Variants in RET observed in about 807,000 individuals in gnomAD.
RET encodes proto-oncogene tyrosine-protein kinase receptor Ret.
Under a neutral mutation model 118.3 loss-of-function variants are expected in RET, and 19 were observed. The ratio of observed to expected loss-of-function variants is 0.16; its 90% CI spans 0.11 to 0.24. The LOEUF (loss-of-function observed/expected upper bound fraction) is 0.24, where lower values mean the gene tolerates loss of function less well. Ranked by LOEUF, RET falls within the 10% of genes least tolerant of loss-of-function variation. The pLI is 1.00. For missense variants in RET, 1,219 were observed against 1,502.1 expected, an observed-to-expected ratio of 0.81 and a Z score of 3.12; for synonymous variants, 597 against 644.1, an observed-to-expected ratio of 0.93 and a Z score of 1.11.
At chr10:43,113,994 G>T (rs1257180679) in intron 10 of RET, among the ~76,000 whole-genome samples, 1 of 152,218 alleles carries the variant, frequency 6.6e-6, no homozygotes, top group African/African-American at 2.4e-5. Context: ...AGGTCAGCAG[G>T]TATGGTGGGT....
intron 1 of RET, among the ~76,000 whole-genome samples, chr10:43,095,170 AT>A (rs1389827248): frequency 2.6e-5 from 4 of 152,060 alleles, no homozygotes; most frequent in African/African-American, 9.7e-5. Context: ...GGCAGGAACT[AT>A]CCTTAGGGCA....
chr10:43,101,603 G>A (rs1837643994), intron 2 of RET, among the ~76,000 whole-genome samples: 1 of 152,234 alleles, frequency 6.6e-6, no homozygotes, highest in Non-Finnish European at 1.5e-5. Context: ...CTTGAGGAAT[G>A]GGAGTCCCTG....
At chr10:43,110,478 G>A (rs1837890200) in intron 6 of RET, among the ~76,000 whole-genome samples, 1 of 152,160 alleles carries the variant, frequency 6.6e-6, no homozygotes, top group Admixed American at 6.5e-5. Flanking sequence ...GGAACTTTTG[G>A]TTTCAAGCAG....
rs746921948 is a variant in RET at position 43,130,158 on chromosome 10, A to G, written c.*1889A>G. 2.3e-5 allele frequency: 9 copies of G among 397,096 alleles called. No homozygotes were observed. Among genetic ancestry groups the G allele is most frequent in the Non-Finnish European group, 3.5e-5 (8 of 225,594 alleles). The allele number at this position is 397,096 out of a possible 1,614,324, so 24.6% of individuals were successfully genotyped here. ...AAAAGTCCCCATCCTTATTAGCTCT[A>G]CTGGAATTTTCATACACGTAAATGC... is the stretch of plus-strand genomic sequence containing the variant. On this transcript the variant is annotated 3_prime_UTR_variant, in exon 20 of 20. Transcript: ENST00000355710.
rs746548497 is a variant in RET at position 43,128,314 on chromosome 10, G to A, written c.*45G>A. 6.2e-7 allele frequency: 1 copy of A among 1,607,358 alleles called. No homozygotes were observed. Among genetic ancestry groups the A allele is most frequent in the Admixed American group, 1.7e-5 (1 of 60,020 alleles). The stretch of plus-strand genomic sequence containing the variant: ...ATGGACTCACAAGGGGAAGAAACAT[G>A]CTGAGAATGGAAAGTCTACCGGCCC... On this transcript the variant is annotated 3_prime_UTR_variant, in exon 20 of 20. Coordinates refer to ENST00000355710, the MANE Select transcript of RET (RefSeq NM_020975.6).
At chr10:43,127,207 G>A (rs949800092) in intron 19 of RET, 31 of 1,084,094 alleles carry the variant, frequency 2.9e-5, no homozygotes, top group African/African-American at 4.9e-5. Flanking sequence ...GAGGCCACCC[G>A]GCACTGGCGA....
intron 19 of RET, 176 bp downstream of exon 19, chr10:43,126,898 C>T (rs1327109994): frequency 6.9e-7 from 1 of 1,441,890 alleles, no homozygotes; most frequent in East Asian, 2.5e-5. Flanking sequence ...GGCATTATTG[C>T]AACTATGTTT....
At chr10:43,104,886 C>T (rs1837724403) in intron 3 of RET, 66 bp from the exon 4 acceptor site, 1 of 1,533,068 alleles carries the variant, frequency 6.5e-7, no homozygotes. Flanking sequence ...GCCCCCTTCC[C>T]GAGGAAAGCG....
At chr10:43,101,940 G>A (rs909933999) in intron 2 of RET, among the ~76,000 whole-genome samples, 50 of 152,208 alleles carry the variant, frequency 3.3e-4, no homozygotes, top group Admixed American at 2.2e-3. Context: ...GGAACTTGCC[G>A]GAAATGCCCC....
At chr10:43,097,876 G>C (rs987892288) in intron 1 of RET, among the ~76,000 whole-genome samples, 17 of 151,896 alleles carry the variant, frequency 1.1e-4, no homozygotes, top group African/African-American at 4.1e-4. Context: ...ACCCCTCAGC[G>C]ACCTCAAGCA....
chr10:43,077,576 G>C (rs1484355430), intron 1 of RET, among the ~76,000 whole-genome samples: 3 of 151,248 alleles, frequency 2.0e-5, no homozygotes, highest in African/African-American at 2.4e-5. Context: ...AGCGCGGGCC[G>C]GGCCGCGGGG....
At chr10:43,116,839 C>A in intron 12 of RET, 108 bp downstream of exon 12, 4 of 1,393,400 alleles carry the variant, frequency 2.9e-6, no homozygotes, top group Non-Finnish European at 3.9e-6. Context: ...CAATGCTGTT[C>A]TAGAGCGGCT....
intron 4 of RET, 105 bp downstream of exon 4, chr10:43,105,298 CA>C: frequency 2.0e-6 from 3 of 1,534,794 alleles, no homozygotes; most frequent in Non-Finnish European, 2.7e-6. Flanking sequence ...TGTGGCCGAC[CA>C]TTCGCGCTTT....
In RET at chr10:43,114,696, C is replaced by T. The variant is rs1838030910; in HGVS notation, c.2096C>T (p.Ser699Phe). 1 of 1,612,162 alleles carries T rather than the reference C, an allele frequency of 6.2e-7. No individual in the cohort carries two copies. The change falls in exon 11 of 20, where the codon TCC becomes TTC. Residue 699 changes from serine (S) to phenylalanine (F), a missense_variant. By Grantham distance (155) the Ser-to-Phe change is radical. This residue lies in a region of RET where 850 missense variants were observed against 969.6 expected (regional missense o/e 0.88). Coordinates refer to ENST00000355710, the MANE Select transcript of RET (RefSeq NM_020975.6). This position sits in a 1 kb window ranked among gnomAD's most constrained non-coding sequence, Gnocchi z 4.6. ...GGTGCCCGCCGGCCCTCGCTGGACT[C>T]CATGGAGAACCAGGTCTCCGTGGAT... Reference protein sequence around the residue: ...SSGARRPSLDSMENQVSVDAF... With the variant: ...SSGARRPSLDFMENQVSVDAF...
At chr10:43,077,791 T>C (rs1269101149) in intron 1 of RET, among the ~76,000 whole-genome samples, 1 of 152,188 alleles carries the variant, frequency 6.6e-6, no homozygotes, top group African/African-American at 2.4e-5. Flanking sequence ...CCGCTCAGCG[T>C]CCGTGCGTTC....
At chr10:43,124,186 G>A (rs1174220231) in intron 17 of RET, among the ~76,000 whole-genome samples, 1 of 152,138 alleles carries the variant, frequency 6.6e-6, no homozygotes, top group African/African-American at 2.4e-5. Flanking sequence ...AGCCTGGGCT[G>A]CAACCTGAGA....
At chr10:43,107,486 G>A (rs1023631667) in intron 5 of RET, among the ~76,000 whole-genome samples, 1 of 151,646 alleles carries the variant, frequency 6.6e-6, no homozygotes, top group Non-Finnish European at 1.5e-5. Context: ...CCATGCTCTG[G>A]GGGAGCTGTC....
chr10:43,112,953 G>A lies in RET; in HGVS notation c.1749G>A (p.Gln583=), dbSNP rs1588872861. The A allele has an allele frequency of 1.2e-6, 2 of 1,613,842 alleles. No homozygotes were observed. The highest frequency in any genetic ancestry group is 2.7e-5 in the African/African-American group (2 of 74,922). The change falls in exon 9 of 20, where the codon CAG becomes CAA. Residue 583 remains glutamine, a synonymous_variant. Coordinates refer to ENST00000355710, the MANE Select transcript of RET (RefSeq NM_020975.6). ...CCCAAGACATCAACATTTGCCCTCA[G>A]GACTGCCTCCGTAAGCAGGGTTTAA... ...VETQDINICP[Q]DCLRGSIVGG... is the part of the protein sequence containing the mutation.
chr10:43,107,590 CA>C (rs1837812594), intron 5 of RET, among the ~76,000 whole-genome samples: 1 of 151,820 alleles, frequency 6.6e-6, no homozygotes, highest in Non-Finnish European at 1.5e-5. Context: ...CACACACACA[CA>C]CACACACACA....
Sources: gnomAD v4.1 joint callset for allele counts (sites outside exome capture counted in the v4.1 genomes callset) on GRCh38, gnomAD v4.1.1 for gene constraint, gnomAD v4.1.1 regional missense constraint, Gnocchi (gnomAD v3.1) non-coding constraint, MANE v1.5 for transcripts, NCBI Gene and HGNC (gene_info 2026-07-23, HGNC 2026-07-21) for gene names.